Variants in GRM3 observed in about 807,000 individuals in gnomAD.
GRM3 encodes metabotropic glutamate receptor 3.
A neutral mutation model predicts 70.5 loss-of-function variants in GRM3; 26 were observed. The ratio of observed to expected loss-of-function variants is 0.37; its 90% CI spans 0.27 to 0.51. The LOEUF is 0.51. Ranked by LOEUF, GRM3 falls within the 20% of genes least tolerant of loss-of-function variation. GRM3 has a pLI of 0.93. For missense variants in GRM3, 859 were observed against 1,123.8 expected, an observed-to-expected ratio of 0.76 and a Z score of 3.37; for synonymous variants, 443 against 434.9, an observed-to-expected ratio of 1.02 and a Z score of -0.23.
rs749456155 is a variant in GRM3, at chr7:86,785,685, A to ATTTTTTTTTTTTTTT, written c.469-557_469-543dup. ...TTGGGTGGTGGACTAAATAGAATTG[A>ATTTTTTTTTTTTTTT]TTTTTTTTTTTTTTTTTTTTTTTTT... On this transcript the variant is annotated intron_variant, in intron 2 of 5. Transcript: ENST00000361669. 3.8e-4 allele frequency among the ~76,000 whole-genome samples: 25 copies of ATTTTTTTTTTTTTTT among 65,234 alleles called. 3 individuals carry two copies. Among genetic ancestry groups the ATTTTTTTTTTTTTTT allele is most frequent in the South Asian group, 6.3e-4 (1 of 1,582 alleles). The allele number at this position is 65,234 out of a possible 152,430, so 42.8% of individuals were successfully genotyped here.
At chr7:86,720,818 G>A (rs1795443749) in intron 1 of GRM3, among the ~76,000 whole-genome samples, 2 of 152,056 alleles carry the variant, frequency 1.3e-5, no homozygotes, top group Non-Finnish European at 2.9e-5. Flanking sequence ...AAATATTGAT[G>A]AAGCACCTAA....
intron 5 of GRM3, among the ~76,000 whole-genome samples, chr7:86,851,907 CAA>C (rs2115570640): frequency 6.6e-6 from 1 of 152,256 alleles, no homozygotes; most frequent in South Asian, 2.1e-4. Flanking sequence ...AGAGAACTGT[CAA>C]TAACTAATAA....
intron 5 of GRM3, among the ~76,000 whole-genome samples, chr7:86,854,794 G>A (rs1290183121): frequency 6.6e-6 from 1 of 152,156 alleles, no homozygotes; most frequent in East Asian, 1.9e-4. Flanking sequence ...ACTGATATCA[G>A]TGCAGTCACT....
intron 3 of GRM3, among the ~76,000 whole-genome samples, chr7:86,823,580 G>GT (rs1287755759): frequency 5.0e-5 from 6 of 119,726 alleles, no homozygotes; most frequent in African/African-American, 1.7e-4. Context: ...GCTGTGTGAG[G>GT]TATTTTTTTT....
At chr7:86,781,993 A>T (rs1324458958) in intron 2 of GRM3, among the ~76,000 whole-genome samples, 1 of 152,146 alleles carries the variant, frequency 6.6e-6, no homozygotes. Flanking sequence ...TATAATGTTG[A>T]AAAGATGGCC....
At chr7:86,787,770 A>G (rs1399579324) in intron 3 of GRM3, among the ~76,000 whole-genome samples, 1 of 152,232 alleles carries the variant, frequency 6.6e-6, no homozygotes, top group Non-Finnish European at 1.5e-5. Context: ...CAGGTTGAAG[A>G]CTAATGGAAT....
chr7:86,775,278 T>C (rs1796856775), intron 2 of GRM3: 1 of 152,038 alleles, frequency 6.6e-6, no homozygotes, highest in Admixed American at 6.6e-5. Context: ...TGACCTGTAA[T>C]GACAAAAAGA....
rs138977420 is a variant in GRM3, at chr7:86,743,290, A to C, written c.-140-21716A>C. 5.1e-3 allele frequency among the ~76,000 whole-genome samples: 781 copies of C among 152,220 alleles called. 26 individuals carry two copies. The highest frequency in any genetic ancestry group is 0.048 in the Admixed American group (726 of 15,276). ...ACTTGCAATAAGGACTTTTTGGGAG[A>C]AATTGGAATGTTGGTAGCTATATCC... On this transcript the variant is annotated intron_variant, in intron 1 of 5. Transcript: ENST00000361669.
At chr7:86,696,166 A>G (rs1390136299) in intron 1 of GRM3, among the ~76,000 whole-genome samples, 1 of 152,188 alleles carries the variant, frequency 6.6e-6, no homozygotes, top group Non-Finnish European at 1.5e-5. Context: ...TGCCCCCTAT[A>G]AAAGATGTTC....
At chr7:86,778,286 A>G (rs1256689250) in intron 2 of GRM3, among the ~76,000 whole-genome samples, 3 of 152,210 alleles carry the variant, frequency 2.0e-5, no homozygotes, top group Non-Finnish European at 4.4e-5. Flanking sequence ...ATAGATCCTC[A>G]TAAAACTATT....
intron 4 of GRM3, among the ~76,000 whole-genome samples, chr7:86,840,862 G>A (rs1798545219): frequency 1.3e-5 from 2 of 152,216 alleles, no homozygotes; most frequent in South Asian, 4.1e-4. Context: ...CTGTTTACCA[G>A]CAATTCCTAC....
At chr7:86,681,962 C>G (rs895636705) in intron 1 of GRM3, among the ~76,000 whole-genome samples, 11 of 152,146 alleles carry the variant, frequency 7.2e-5, no homozygotes, top group Admixed American at 2.0e-4. Flanking sequence ...AAGCAAGCTT[C>G]GTAGATCAGT....
At chr7:86,740,883 C>G (rs746138314) in intron 1 of GRM3, among the ~76,000 whole-genome samples, 1 of 152,268 alleles carries the variant, frequency 6.6e-6, no homozygotes, top group Non-Finnish European at 1.5e-5. Flanking sequence ...CTGTGGTAGT[C>G]TATTACTTAG....
In GRM3 at chr7:86,667,363, G is replaced by C. The variant is rs541117110; in HGVS notation, c.-141+22491G>C. Among the ~76,000 whole-genome samples, 3 of 152,194 alleles carry C rather than the reference G, an allele frequency of 2.0e-5. No homozygotes were observed. In the East Asian group the frequency reaches 5.8e-4, roughly 29 times the overall value. On this transcript the variant is annotated intron_variant, in intron 1 of 5. Coordinates refer to ENST00000361669, the MANE Select transcript of GRM3 (RefSeq NM_000840.3). ...TATTGATTGCTTTGCTTTTAGTTAA[G>C]AAATACCAGTGTATATCACAGTAAG...
chr7:86,750,805 A>G (rs572404089), intron 1 of GRM3, among the ~76,000 whole-genome samples: 1 of 152,162 alleles, frequency 6.6e-6, no homozygotes, highest in South Asian at 2.1e-4. Context: ...AAGAAAGCCA[A>G]ACTTGGAGCT....
chr7:86,833,694 A>AT (rs1798401346), intron 3 of GRM3, among the ~76,000 whole-genome samples: 1 of 152,204 alleles, frequency 6.6e-6, no homozygotes, highest in South Asian at 2.1e-4. Flanking sequence ...CACATGTGGA[A>AT]TATTTGACAT....
chr7:86,802,568 A>G (rs1481258121), intron 3 of GRM3, among the ~76,000 whole-genome samples: 1 of 151,836 alleles, frequency 6.6e-6, no homozygotes, highest in Non-Finnish European at 1.5e-5. Flanking sequence ...GCAATATCAT[A>G]CTGTTATTTC....
At chr7:86,711,033 C>G (rs1309784802) in intron 1 of GRM3, among the ~76,000 whole-genome samples, 2 of 152,018 alleles carry the variant, frequency 1.3e-5, no homozygotes, top group African/African-American at 2.4e-5. Flanking sequence ...AATCCTGGCT[C>G]TACCATGTAG....
intron 1 of GRM3, among the ~76,000 whole-genome samples, chr7:86,746,375 A>ATATATATATATATATAT (rs1562846667): frequency 1.2e-3 from 162 of 137,034 alleles, no homozygotes; most frequent in African/African-American, 1.6e-3. Flanking sequence ...ATATATATAT[A>ATATATATATATATATAT]ATCACTTCAA....
Sources: gnomAD v4.1 joint callset for allele counts (sites outside exome capture counted in the v4.1 genomes callset) on GRCh38, gnomAD v4.1.1 for gene constraint, MANE v1.5 for transcripts, NCBI Gene and HGNC (gene_info 2026-07-23, HGNC 2026-07-21) for gene names.